Variants in ZNF354C observed in about 807,000 individuals in gnomAD.
ZNF354C encodes the protein KRAB-zinc finger protein synten.
Under a neutral mutation model 12.4 loss-of-function variants are expected in ZNF354C, and 7 were observed. That is an observed-to-expected ratio of 0.56 (90% CI 0.32 to 1.06). The LOEUF (loss-of-function observed/expected upper bound fraction) is 1.06, where lower values mean the gene tolerates loss of function less well. ZNF354C is among the 50% of genes least tolerant of loss of function. The pLI, the probability that ZNF354C is intolerant of heterozygous loss-of-function variation, is 0.04. For missense variants in ZNF354C, 609 were observed against 658.0 expected, an observed-to-expected ratio of 0.93 and a Z score of 0.81; for synonymous variants, 202 against 224.5, an observed-to-expected ratio of 0.90 and a Z score of 0.90.
chr5:179,071,367 A>ATTTTTT (rs35793705), intron 2 of ZNF354C, among the ~76,000 whole-genome samples: 1 of 131,534 alleles, frequency 7.6e-6, no homozygotes, highest in Non-Finnish European at 1.6e-5. Flanking sequence ...TGCCAGGCTC[A>ATTTTTT]TTTTTTTTTT....
intron 2 of ZNF354C, among the ~76,000 whole-genome samples, chr5:179,068,327 T>A (rs774105830): frequency 4.3e-4 from 65 of 152,356 alleles, no homozygotes; most frequent in Middle Eastern, 6.8e-3. Flanking sequence ...ATCCCTAACA[T>A]TGCACTGCGT....
At chr5:179,063,078 A>G (rs892326564) in intron 2 of ZNF354C, among the ~76,000 whole-genome samples, 1 of 152,008 alleles carries the variant, frequency 6.6e-6, no homozygotes, top group Non-Finnish European at 1.5e-5. Context: ...TCCAAAGCCT[A>G]TTCTTCATTG....
At position 179,079,913 on chromosome 5, in the gene ZNF354C, A is replaced by G. The variant is rs573896632; in HGVS notation, c.1481A>G (p.Lys494Arg). Residue 494 changes from lysine to arginine, a missense_variant, in exon 5 of 5, where the codon AAA becomes AGA. Lys to Arg is a conservative substitution (Grantham distance 26). Coordinates refer to ENST00000315475, the MANE Select transcript of ZNF354C (RefSeq NM_014594.3). The surrounding 1 kb of genome is among the most constrained non-coding windows in gnomAD (Gnocchi z 4.2). ...TEHERIHTGE[K>R]LYKCMECGKA... is the part of the protein sequence containing the mutation. ...CATGAGAGGATCCACACTGGAGAGA[A>G]ACTGTATAAATGTATGGAATGTGGG... 5 of 1,613,976 alleles carry G rather than the reference A, an allele frequency of 3.1e-6. No homozygotes were observed. In the South Asian group the frequency reaches 5.5e-5, roughly 18 times the overall value.
Position 179,078,832 on chromosome 5 carries a change from A to G in ZNF354C, c.400A>G (p.Ile134Val). Residue 134 changes from isoleucine (I) to valine (V), a missense_variant, in exon 5 of 5, where the codon ATA becomes GTA. Coordinates refer to ENST00000315475, the MANE Select transcript of ZNF354C (RefSeq NM_014594.3). ...AGAAGCTGTGGAATTTGAGAGCGAG[A>G]TAGAAGAAGAGCAAGAGAAGAAACC... ...FEEAVEFESEIEEEQEKKPLR... is the reference protein window; with the variant it reads ...FEEAVEFESEVEEEQEKKPLR... The G allele has an allele frequency of 6.2e-7, 1 of 1,614,122 alleles. No homozygotes were observed. The highest frequency in any genetic ancestry group is 1.1e-5 in the South Asian group (1 of 91,078).
chr5:179,070,839 C>T (rs1271222388), intron 2 of ZNF354C, among the ~76,000 whole-genome samples: 1 of 106,726 alleles, frequency 9.4e-6, no homozygotes, highest in Admixed American at 8.9e-5. Context: ...GCCTTGATCG[C>T]TCTTTTTTTT....
intron 2 of ZNF354C, among the ~76,000 whole-genome samples, chr5:179,069,736 G>C (rs1036722395): frequency 6.7e-6 from 1 of 150,276 alleles, no homozygotes; most frequent in Non-Finnish European, 1.5e-5. Flanking sequence ...CGCGGTGGCG[G>C]GCGCCTGTAG....
In ZNF354C at chr5:179,082,926, TCTC is replaced by T; in HGVS notation, c.*2832_*2834del. ...AAGAATCACGGAGAACTCCACCTCA[TCTC>T]CTGCCTGGAGCTCAAGGCCATCCTC... On this transcript the variant is annotated 3_prime_UTR_variant, in exon 5 of 5. Transcript: ENST00000315475. 1 of 932,434 alleles carries T rather than the reference TCTC, an allele frequency of 1.1e-6. No homozygotes were observed. The highest frequency in any genetic ancestry group is 1.8e-6 in the Non-Finnish European group (1 of 565,732). 57.8% of individuals were successfully genotyped at this position (932,434 alleles called of 1,614,324 possible).
rs1762255751 is a variant in ZNF354C at position 179,083,413 on chromosome 5, G to A, written c.*3316G>A. On this transcript the variant is annotated 3_prime_UTR_variant, in exon 5 of 5. Transcript: ENST00000315475. ...TGACAGCATATTTTCAAATAAATAT[G>A]TACAAAATCAGTCAATTGTTTTTTG... The A allele has an allele frequency of 1.3e-5, 2 of 152,880 alleles. No homozygotes were observed. The highest frequency in any genetic ancestry group is 4.2e-4 in the South Asian group (2 of 4,788). The allele number at this position is 152,880 out of a possible 1,614,324, so 9.5% of individuals were successfully genotyped here.
At position 179,061,176 on chromosome 5, in the gene ZNF354C, C is replaced by T. The variant is rs144144758; in HGVS notation, c.-55+510C>T. Among the ~76,000 whole-genome samples, 62 of 152,344 alleles carry T rather than the reference C, an allele frequency of 4.1e-4. 1 individual carries two copies. The East Asian group carries it at 0.011, about 28-fold the overall frequency. ...CCCGCTGGAACTGGCCTGGCAGAGC[C>T]CCAGGTTGGCTCCATGCTAGGGGGC... On this transcript the variant is annotated intron_variant, in intron 1 of 4. Coordinates refer to ENST00000315475, the MANE Select transcript of ZNF354C (RefSeq NM_014594.3).
chr5:179,077,896 C>T (rs1348340559), intron 4 of ZNF354C, among the ~76,000 whole-genome samples: 1 of 150,976 alleles, frequency 6.6e-6, no homozygotes, highest in African/African-American at 2.4e-5. Flanking sequence ...CTCTCCACCT[C>T]CCAGGCTCAA....
At position 179,080,150 on chromosome 5, in the gene ZNF354C, A is replaced by C; in HGVS notation, c.*53A>C. On this transcript the variant is annotated 3_prime_UTR_variant, in exon 5 of 5. Coordinates refer to ENST00000315475, the MANE Select transcript of ZNF354C (RefSeq NM_014594.3). The stretch of plus-strand genomic sequence containing the variant: ...TCACTGGGGAATAAGGGAATAATAA[A>C]TAGGGTACAAACTCCTAATAGATTT... 1 of 1,324,816 alleles carries C rather than the reference A, an allele frequency of 7.5e-7. No homozygotes were observed. The allele number at this position is 1,324,816 out of a possible 1,614,324, so 82.1% of individuals were successfully genotyped here.
intron 2 of ZNF354C, among the ~76,000 whole-genome samples, chr5:179,069,872 A>T (rs952917592): frequency 6.6e-6 from 1 of 152,198 alleles, no homozygotes; most frequent in Admixed American, 6.5e-5. Flanking sequence ...TCTCAAAAAC[A>T]AACAAACAAA....
Position 179,082,823 on chromosome 5 carries a change from T to G in ZNF354C, c.*2726T>G. ...TCAAGCGACTGACCAACCGATCAGG[T>G]CGAGGAGCTGCAACAGCCTTGGGGC... On this transcript the variant is annotated 3_prime_UTR_variant, in exon 5 of 5. Transcript: ENST00000315475. The G allele has an allele frequency of 7.6e-7, 1 of 1,307,752 alleles. No individual in the cohort carries two copies. The highest frequency in any genetic ancestry group is 1.2e-5 in the South Asian group (1 of 84,760). The allele number at this position is 1,307,752 out of a possible 1,614,324, so 81.0% of individuals were successfully genotyped here.
intron 2 of ZNF354C, among the ~76,000 whole-genome samples, chr5:179,069,325 C>T (rs1050427505): frequency 5.9e-5 from 9 of 152,192 alleles, no homozygotes; most frequent in African/African-American, 1.4e-4. Flanking sequence ...TCTCCACAAC[C>T]CGTTATCATG....
Position 179,082,794 on chromosome 5 carries a change from T to G in ZNF354C, c.*2697T>G. 2 of 1,361,570 alleles carry G rather than the reference T, an allele frequency of 1.5e-6. No individual in the cohort carries two copies. The highest frequency in any genetic ancestry group is 2.3e-5 in the South Asian group (2 of 85,894). 84.3% of individuals were successfully genotyped at this position (1,361,570 alleles called of 1,614,324 possible). On this transcript the variant is annotated 3_prime_UTR_variant, in exon 5 of 5. Transcript: ENST00000315475. The stretch of plus-strand genomic sequence containing the variant: ...ATCACTGGCATCATCCAGGGTGATG[T>G]TCTTCAAGCGACTGACCAACCGATC...
rs766487413 is a variant in ZNF354C at position 179,079,657 on chromosome 5, C to CA, written c.1230dup (p.Pro411ThrfsTer8). 4.3e-6 allele frequency: 7 copies of CA among 1,614,034 alleles called. No homozygotes were observed. Among genetic ancestry groups the CA allele is most frequent in the Non-Finnish European group, 5.9e-6 (7 of 1,180,030 alleles). On this transcript the variant is annotated frameshift_variant, in exon 5 of 5. Coordinates refer to ENST00000315475, the MANE Select transcript of ZNF354C (RefSeq NM_014594.3). LOFTEE classifies it low-confidence loss of function (END_TRUNC). The surrounding 1 kb of genome is among the most constrained non-coding windows in gnomAD (Gnocchi z 4.2). ...CGAACATCAGCGAATTCACACTGGA[C>CA]AAAAACCTTATCAGTGCAACGAATG...
At position 179,080,729 on chromosome 5, in the gene ZNF354C, A is replaced by G. The variant is rs1283635161; in HGVS notation, c.*632A>G. Reference sequence around the variant, plus strand: ...ATTGATTTAGAATTTAGTTCTTAAAATCTTGCCCAAAGGTAGACTCTCTTT... The same window carrying G: ...ATTGATTTAGAATTTAGTTCTTAAAGTCTTGCCCAAAGGTAGACTCTCTTT... On this transcript the variant is annotated 3_prime_UTR_variant, in exon 5 of 5. Transcript: ENST00000315475. 2 of 138,216 alleles carry G rather than the reference A, an allele frequency of 1.4e-5. No individual in the cohort carries two copies. The highest frequency in any genetic ancestry group is 3.1e-5 in the Non-Finnish European group (2 of 64,650). The allele number at this position is 138,216 out of a possible 1,614,324, so 8.6% of individuals were successfully genotyped here. A position where few individuals can be genotyped will look rare whatever the true frequency, so the allele number is the denominator to read the frequency against.
At position 179,081,704 on chromosome 5, in the gene ZNF354C, A is replaced by G. The variant is rs1341966653; in HGVS notation, c.*1607A>G. ...TAGTGGTGAGCATGCTTAGTACCCA[A>G]ATTTTGGTTTCTAAATGCCATTCCC... On this transcript the variant is annotated 3_prime_UTR_variant, in exon 5 of 5. Coordinates refer to ENST00000315475, the MANE Select transcript of ZNF354C (RefSeq NM_014594.3). The G allele has an allele frequency of 6.6e-6, 1 of 152,128 alleles. No individual in the cohort carries two copies. Among genetic ancestry groups the G allele is most frequent in the Non-Finnish European group, 1.5e-5 (1 of 68,022 alleles). The allele number at this position is 152,128 out of a possible 1,614,324, so 9.4% of individuals were successfully genotyped here.
In ZNF354C at chr5:179,082,596, G is replaced by A. The variant is rs1762243369; in HGVS notation, c.*2499G>A. 1.9e-6 allele frequency: 2 copies of A among 1,062,166 alleles called. No individual in the cohort carries two copies. The allele number at this position is 1,062,166 out of a possible 1,614,324, so 65.8% of individuals were successfully genotyped here. ...TTCCAGATTTCGGGAGGGATGAAGA[G>A]GGAGATATTCAGAAACCTTCACCAG... is the stretch of plus-strand genomic sequence containing the variant. On this transcript the variant is annotated 3_prime_UTR_variant, in exon 5 of 5. Transcript: ENST00000315475.
Sources: allele counts gnomAD v4.1 joint callset (sites outside exome capture counted in the v4.1 genomes callset), GRCh38; gene constraint gnomAD v4.1.1; non-coding constraint Gnocchi (gnomAD v3.1); transcripts MANE v1.5; gene names NCBI Gene and HGNC (gene_info 2026-07-23, HGNC 2026-07-21).